Variants in RANBP3 observed in about 807,000 individuals in gnomAD.
The protein encoded by RANBP3 is RAN binding protein 3.
RANBP3 carries 14 observed loss-of-function variants against 77.3 expected under a neutral mutation model. The ratio of observed to expected loss-of-function variants is 0.18; its 90% CI spans 0.12 to 0.28. The LOEUF (loss-of-function observed/expected upper bound fraction) is 0.28. Among genes scored for constraint, RANBP3 ranks in the 10% least tolerant of loss-of-function variants. The pLI is 1.00. For synonymous variants in RANBP3, 315 were observed against 312.4 expected, an observed-to-expected ratio of 1.01 and a Z score of -0.09; for missense variants, 586 against 752.3, an observed-to-expected ratio of 0.78 and a Z score of 2.59.
At chr19:5,936,538 G>A (rs8105367) in intron 5 of RANBP3, among the ~76,000 whole-genome samples, 4 of 152,206 alleles carry the variant, frequency 2.6e-5, no homozygotes, top group Admixed American at 1.3e-4. Flanking sequence ...TCGCAGTACC[G>A]CACGGAGTGA....
rs146117435 is a variant in RANBP3, at chr19:5,958,293, C to T, written c.23-320G>A. On this transcript the variant is annotated intron_variant, in intron 1 of 16. Transcript: ENST00000340578. The surrounding 1 kb of genome is among the most constrained non-coding windows in gnomAD (Gnocchi z 4.4). ...CGGAGAGTGTGGCAGCGCTATTTGG[C>T]GCCATGAACTGTGACCTTGCAGGAA... 1.1e-3 allele frequency among the ~76,000 whole-genome samples: 173 copies of T among 152,272 alleles called. 1 individual carries two copies. The highest frequency in any genetic ancestry group is 4.1e-3 in the African/African-American group (169 of 41,550).
intron 10 of RANBP3, chr19:5,925,227 C>T (rs1173761434): frequency 8.3e-6 from 4 of 484,204 alleles, no homozygotes; most frequent in African/African-American, 1.9e-5. Flanking sequence ...GTAGCATTAC[C>T]CCCAGCCATG....
At chr19:5,931,267 G>A in intron 8 of RANBP3, 137 bp downstream of exon 8, 2 of 954,256 alleles carry the variant, frequency 2.1e-6, no homozygotes, top group Non-Finnish European at 2.9e-6. Flanking sequence ...CAAATCCAGA[G>A]AGCCTTACAA....
At chr19:5,941,915 A>C in intron 3 of RANBP3, 80 bp from the exon 4 acceptor site, 2 of 1,511,590 alleles carry the variant, frequency 1.3e-6, no homozygotes, top group East Asian at 2.3e-5. Context: ...CGTAACAAAT[A>C]TCCCAACATG....
intron 1 of RANBP3, among the ~76,000 whole-genome samples, chr19:5,971,460 G>C (rs375577763): frequency 3.3e-5 from 5 of 151,934 alleles, no homozygotes; most frequent in African/African-American, 7.3e-5. Context: ...CACTGTGCCC[G>C]GCCTGAATTC....
At chr19:5,944,233 A>G (rs1489064136) in intron 3 of RANBP3, among the ~76,000 whole-genome samples, 8 of 152,210 alleles carry the variant, frequency 5.3e-5, no homozygotes, top group Admixed American at 5.2e-4. Flanking sequence ...GCAGGCATGA[A>G]TAGGGAGTCA....
chr19:5,917,707 G>A (rs2057759084), intron 16 of RANBP3, 54 bp from the exon 17 acceptor site: 7 of 1,590,476 alleles, frequency 4.4e-6, no homozygotes, highest in Non-Finnish European at 6.0e-6. Flanking sequence ...TCCCAGGTCT[G>A]GCCACCCCCG....
At chr19:5,940,444 C>T (rs553165264) in intron 5 of RANBP3, among the ~76,000 whole-genome samples, 10 of 152,268 alleles carry the variant, frequency 6.6e-5, no homozygotes, top group Admixed American at 5.9e-4. Flanking sequence ...TGGACAGTTC[C>T]GCAATATCCA....
chr19:5,943,704 G>T (rs577954659), intron 3 of RANBP3, among the ~76,000 whole-genome samples: 6 of 152,314 alleles, frequency 3.9e-5, no homozygotes, highest in African/African-American at 1.2e-4. Context: ...TTCTGAGGGG[G>T]CTTTGGAAAT....
chr19:5,937,758 A>T (rs972644441), intron 5 of RANBP3, among the ~76,000 whole-genome samples: 7 of 80,822 alleles, frequency 8.7e-5, no homozygotes, highest in African/African-American at 3.4e-4. Flanking sequence ...GGGCCTGCGA[A>T]ACAGCTGCCC....
rs865971344 is a variant in RANBP3 at position 5,951,529 on chromosome 19, TG to T, written c.145del (p.His49ThrfsTer15). ...EEPRGEAEAP[H>X]HGTGHPESAG... ...TGACTCGGGGTGACCCGTGCCATGGTGGGGGGCCTCAGCCTCCCCCCGAGGC... is the reference window on the plus strand; with the variant it reads ...TGACTCGGGGTGACCCGTGCCATGGTGGGGGCCTCAGCCTCCCCCCGAGGC... On this transcript the variant is annotated frameshift_variant, in exon 3 of 17. Transcript: ENST00000340578. LOFTEE classifies it high-confidence loss of function. The T allele has an allele frequency of 1.2e-6, 2 of 1,612,356 alleles. No homozygotes were observed. The highest frequency in any genetic ancestry group is 3.3e-5 in the Admixed American group (2 of 59,862).
intron 9 of RANBP3, among the ~76,000 whole-genome samples, chr19:5,926,156 C>G (rs568333598): frequency 6.6e-6 from 1 of 152,270 alleles, no homozygotes; most frequent in South Asian, 2.1e-4. Flanking sequence ...CTGAGTCTGT[C>G]AAATGCACGA....
chr19:5,951,007 C>T (rs182839414), intron 3 of RANBP3: 43 of 279,522 alleles, frequency 1.5e-4, no homozygotes, highest in African/African-American at 6.7e-4. Flanking sequence ...GTTTCTAAGA[C>T]GCTAAACTTG....
At chr19:5,950,308 G>T (rs768347346) in intron 3 of RANBP3, among the ~76,000 whole-genome samples, 1 of 152,096 alleles carries the variant, frequency 6.6e-6, no homozygotes, top group Non-Finnish European at 1.5e-5. Flanking sequence ...TTTGTGCCAC[G>T]AAGGCCACTA....
chr19:5,948,460 A>C (rs903257525), intron 3 of RANBP3, among the ~76,000 whole-genome samples: 5 of 152,090 alleles, frequency 3.3e-5, no homozygotes. Context: ...GTCAAAAAAA[A>C]AAAAAAAAGA....
In RANBP3 at chr19:5,916,766, C is replaced by T. The variant is rs891360488; in HGVS notation, c.*844G>A. 6.6e-6 allele frequency: 1 copy of T among 152,280 alleles called. No individual in the cohort carries two copies. The highest frequency in any genetic ancestry group is 1.5e-5 in the Non-Finnish European group (1 of 68,112). The allele number at this position is 152,280 out of a possible 1,614,324, so 9.4% of individuals were successfully genotyped here. ...ACAGATGGAGACGGGAGTCAGGGGA[C>T]CCTGGGGACCCTTCCAGGTCCAGTG... is the stretch of plus-strand genomic sequence containing the variant. On this transcript the variant is annotated 3_prime_UTR_variant, in exon 17 of 17. Transcript: ENST00000340578.
At chr19:5,960,812 G>A (rs150082064) in intron 1 of RANBP3, among the ~76,000 whole-genome samples, 10 of 152,336 alleles carry the variant, frequency 6.6e-5, no homozygotes, top group African/African-American at 2.2e-4. Context: ...GGTGCTGCCC[G>A]GAGCCTTCTG....
At chr19:5,956,727 G>A (rs1232098313) in intron 2 of RANBP3, among the ~76,000 whole-genome samples, 3 of 152,028 alleles carry the variant, frequency 2.0e-5, no homozygotes, top group South Asian at 2.1e-4. Context: ...CAGGAAAACC[G>A]GGCCACATCA....
chr19:5,931,086 G>T (rs1016213415), intron 8 of RANBP3, among the ~76,000 whole-genome samples: 7 of 152,218 alleles, frequency 4.6e-5, no homozygotes, highest in African/African-American at 9.6e-5. Context: ...TCACTCCCGT[G>T]AGACATGTGG....
Sources: gnomAD v4.1 joint callset for allele counts (sites outside exome capture counted in the v4.1 genomes callset) on GRCh38, gnomAD v4.1.1 for gene constraint, Gnocchi (gnomAD v3.1) non-coding constraint, MANE v1.5 for transcripts, NCBI Gene and HGNC (gene_info 2026-07-23, HGNC 2026-07-21) for gene names.